KIAA1217: variants seen among roughly 807,000 people sequenced by gnomAD.
The protein encoded by KIAA1217 is KIAA1217.
A neutral mutation model predicts 163.9 loss-of-function variants in KIAA1217; 88 were observed. That is an observed-to-expected ratio of 0.54 (90% CI 0.45 to 0.64). The LOEUF (loss-of-function observed/expected upper bound fraction) is 0.64, where lower values mean the gene tolerates loss of function less well. Ranked by LOEUF, KIAA1217 falls within the 30% of genes least tolerant of loss-of-function variation. KIAA1217 has a pLI of 0.00. For missense variants in KIAA1217, 2,372 were observed against 2,475.0 expected, an observed-to-expected ratio of 0.96 and a Z score of 0.88; for synonymous variants, 903 against 923.1, an observed-to-expected ratio of 0.98 and a Z score of 0.39.
intron 9 of KIAA1217, among the ~76,000 whole-genome samples, chr10:24,505,950 G>A (rs1041508124): frequency 2.8e-4 from 42 of 152,082 alleles, no homozygotes; most frequent in Non-Finnish European, 5.1e-4. Context: ...ACGGGAATGC[G>A]GATCCCTGAG....
chr10:24,543,897 CTG>C lies in KIAA1217; in HGVS notation c.4628_4629del (p.Leu1543GlnfsTer16). ...AGGACAGGAAATGAACAGAACGGAG[CTG>C]AACAAGTTCAGCCACGTGGATTCTC... is the stretch of plus-strand genomic sequence containing the variant. ...PGGQEMNRTE[L>X]NKFSHVDSPN... On this transcript the variant is annotated frameshift_variant, in exon 19 of 21. Coordinates refer to ENST00000376454, the MANE Select transcript of KIAA1217 (RefSeq NM_019590.5). LOFTEE classifies it high-confidence loss of function. 6.2e-7 allele frequency: 1 copy of C among 1,614,044 alleles called. No homozygotes were observed. Among genetic ancestry groups the C allele is most frequent in the Non-Finnish European group, 8.5e-7 (1 of 1,180,014 alleles).
chr10:24,328,500 G>GA (rs2045240498), intron 2 of KIAA1217, among the ~76,000 whole-genome samples: 1 of 148,648 alleles, frequency 6.7e-6, no homozygotes, highest in Non-Finnish European at 1.5e-5. Flanking sequence ...CAGTTTTTAT[G>GA]TTTTTTTTTT....
At chr10:23,971,364 A>G (rs564799100) in intron 1 of KIAA1217, among the ~76,000 whole-genome samples, 7 of 152,308 alleles carry the variant, frequency 4.6e-5, no homozygotes, top group Admixed American at 1.3e-4. Context: ...AGGTGTTTCT[A>G]TCTATTGGGA....
intron 1 of KIAA1217, among the ~76,000 whole-genome samples, chr10:23,787,716 A>G (rs1252616146): frequency 1.3e-5 from 2 of 152,196 alleles, no homozygotes; most frequent in African/African-American, 4.8e-5. Context: ...TGCATATTTT[A>G]TGAGAAACAG....
intron 2 of KIAA1217, among the ~76,000 whole-genome samples, chr10:24,191,970 C>T (rs1267330830): frequency 6.6e-6 from 1 of 152,140 alleles, no homozygotes; most frequent in Non-Finnish European, 1.5e-5. Flanking sequence ...GTCTGGAACC[C>T]CTGACCTCAA....
chr10:23,774,510 G>A (rs1281676250), intron 1 of KIAA1217, among the ~76,000 whole-genome samples: 5 of 152,196 alleles, frequency 3.3e-5, no homozygotes, highest in Non-Finnish European at 7.4e-5. Flanking sequence ...AGGATGACCT[G>A]GGGCCCACTG....
chr10:24,165,373 G>A (rs2065299215), intron 2 of KIAA1217, among the ~76,000 whole-genome samples: 1 of 152,182 alleles, frequency 6.6e-6, no homozygotes, highest in African/African-American at 2.4e-5. Flanking sequence ...ATATGTGGAT[G>A]GCTGTCACAC....
chr10:23,740,190 C>G (rs1359337768), intron 1 of KIAA1217, among the ~76,000 whole-genome samples: 1 of 152,106 alleles, frequency 6.6e-6, no homozygotes. Context: ...AATCATAACT[C>G]TAGATGACAG....
At chr10:24,164,573 G>A (rs184557897) in intron 2 of KIAA1217, among the ~76,000 whole-genome samples, 2 of 152,274 alleles carry the variant, frequency 1.3e-5, no homozygotes, top group African/African-American at 4.8e-5. Context: ...TGAATGAATA[G>A]GTCAGTCTGA....
At chr10:24,262,335 G>C (rs1014343720) in intron 2 of KIAA1217, among the ~76,000 whole-genome samples, 3 of 152,066 alleles carry the variant, frequency 2.0e-5, no homozygotes, top group Admixed American at 1.3e-4. Flanking sequence ...CTGTCTTTAA[G>C]AGTCAATATT....
At chr10:23,708,956 T>G (rs79141254) in intron 1 of KIAA1217, among the ~76,000 whole-genome samples, 2,764 of 152,108 alleles carry the variant, frequency 0.018, 88 homozygotes, top group African/African-American at 0.063. Context: ...TTTAAGGCAT[T>G]TGTAAGAATT....
Position 23,824,656 on chromosome 10 carries a change from AAAAT to A in KIAA1217, c.-321+129424_-321+129427del, listed in dbSNP as rs1564453903. ...GAAAAAAAAAAAAAAAAAAATAAAAAAAATATATATATATATATATATATATGTA... is the reference window on the plus strand; with the variant it reads ...GAAAAAAAAAAAAAAAAAAATAAAAAATATATATATATATATATATATGTA... On this transcript the variant is annotated intron_variant, in intron 1 of 18. Transcript: ENST00000376462. Among the ~76,000 whole-genome samples the A allele has an allele frequency of 1.8e-3, 149 of 82,262 alleles. No individual in the cohort carries two copies. In the Middle Eastern group the frequency reaches 0.023, roughly 13 times the overall value. The allele number at this position is 82,262 out of a possible 152,430, so 54.0% of individuals were successfully genotyped here.
At chr10:23,922,969 G>A (rs948293683) in intron 1 of KIAA1217, among the ~76,000 whole-genome samples, 2 of 151,954 alleles carry the variant, frequency 1.3e-5, no homozygotes, top group African/African-American at 2.4e-5. Context: ...TAATAGTTTT[G>A]GGGGAACAGA....
intron 1 of KIAA1217, among the ~76,000 whole-genome samples, chr10:23,730,490 C>A (rs1335011069): frequency 1.3e-5 from 2 of 152,030 alleles, no homozygotes; most frequent in African/African-American, 4.8e-5. Context: ...TTTTGCCTTT[C>A]CATATAAACT....
chr10:24,395,315 G>A (rs557887803), intron 3 of KIAA1217, among the ~76,000 whole-genome samples: 1 of 152,150 alleles, frequency 6.6e-6, no homozygotes, highest in Non-Finnish European at 1.5e-5. Flanking sequence ...TCTGACCTCC[G>A]CCCTGTTGCT....
At chr10:23,718,696 C>G (rs1434666835) in intron 1 of KIAA1217, among the ~76,000 whole-genome samples, 1 of 151,760 alleles carries the variant, frequency 6.6e-6, no homozygotes, top group African/African-American at 2.4e-5. Flanking sequence ...TAGGATTTCT[C>G]TTTGTTAAAA....
intron 1 of KIAA1217, among the ~76,000 whole-genome samples, chr10:23,747,810 A>T (rs1294341412): frequency 6.6e-6 from 1 of 152,152 alleles, no homozygotes; most frequent in African/African-American, 2.4e-5. Flanking sequence ...TCTGTGACTG[A>T]TACGTGATGA....
chr10:24,496,731 A>C (rs1214156967), intron 8 of KIAA1217, among the ~76,000 whole-genome samples: 1 of 152,192 alleles, frequency 6.6e-6, no homozygotes, highest in Non-Finnish European at 1.5e-5. Context: ...TCATAGTCCA[A>C]ATGCCTCCCA....
At chr10:24,544,615 G>A in intron 19 of KIAA1217, 134 bp downstream of exon 19, 3 of 1,032,926 alleles carry the variant, frequency 2.9e-6, no homozygotes, top group East Asian at 5.2e-5. Flanking sequence ...TGTTCGCCAT[G>A]AAACCCTTCT....
Sources: gnomAD v4.1 joint callset for allele counts (sites outside exome capture counted in the v4.1 genomes callset) on GRCh38, gnomAD v4.1.1 for gene constraint, MANE v1.5 for transcripts, NCBI Gene and HGNC (gene_info 2026-07-23, HGNC 2026-07-21) for gene names.